The following ATP8B3 variants were observed in gnomAD, a reference collection of about 807,000 sequenced individuals.
ATP8B3 encodes phospholipid-transporting ATPase IK.
In ATP8B3, 141 loss-of-function variants were observed where a neutral mutation model predicts 140.9. That is an observed-to-expected ratio of 1.00 (90% CI 0.87 to 1.15). The LOEUF is 1.15. ATP8B3 is among the 50% of genes most tolerant of loss of function. The pLI, the probability that ATP8B3 is intolerant of heterozygous loss-of-function variation, is 0.00. For missense variants in ATP8B3, 1,874 were observed against 1,740.6 expected (o/e 1.08, Z -1.36); for synonymous variants, 765 against 714.6 (o/e 1.07, Z -1.13).
rs1162180618 is a variant in ATP8B3, at chr19:1,789,608, C to A, written c.2598G>T (p.Leu866=). 20 of 1,592,588 alleles carry A rather than the reference C, an allele frequency of 1.3e-5. No individual in the cohort carries two copies. Among genetic ancestry groups the A allele is most frequent in the Non-Finnish European group, 1.7e-5 (20 of 1,173,882 alleles). Residue 866 remains leucine, a synonymous_variant, in exon 23 of 29, where the codon CTG becomes CTT. Coordinates refer to ENST00000310127, the MANE Select transcript of ATP8B3 (RefSeq NM_138813.4). ...GCCCGAACCTCCGGCACAGCAGGGACAGGCGCCTGGCGTAGAGGAAATCCC... is the reference window on the plus strand; with the variant it reads ...GCCCGAACCTCCGGCACAGCAGGGAAAGGCGCCTGGCGTAGAGGAAATCCC... ...SRRDFLYARR[L]SLLCRRFGLP...
chr19:1,804,981 A>G (rs1304980908), intron 10 of ATP8B3, among the ~76,000 whole-genome samples: 3 of 152,164 alleles, frequency 2.0e-5, no homozygotes, highest in Non-Finnish European at 4.4e-5. Flanking sequence ...GTAGCACTTT[A>G]TTTTTGGTTT....
intron 10 of ATP8B3, among the ~76,000 whole-genome samples, chr19:1,802,961 A>G (rs931205837): frequency 1.3e-5 from 2 of 152,160 alleles, no homozygotes; most frequent in African/African-American, 4.8e-5. Flanking sequence ...TTATCTGTGC[A>G]AAGCTATTGT....
chr19:1,786,879 G>T (rs1411682879), intron 25 of ATP8B3, among the ~76,000 whole-genome samples: 1 of 152,192 alleles, frequency 6.6e-6, no homozygotes, highest in Non-Finnish European at 1.5e-5. Flanking sequence ...ACAGGGTGGG[G>T]GCTCCCACAC....
At chr19:1,810,204 G>A (rs2145211918) in intron 3 of ATP8B3, among the ~76,000 whole-genome samples, 2 of 152,344 alleles carry the variant, frequency 1.3e-5, no homozygotes, top group African/African-American at 4.8e-5. Flanking sequence ...AGAATCCTAG[G>A]CAAGGCCTGA....
intron 2 of ATP8B3, 126 bp downstream of exon 2, chr19:1,811,363 C>A (rs1373468919): frequency 1.5e-6 from 2 of 1,374,794 alleles, no homozygotes; most frequent in Non-Finnish European, 1.9e-6. Flanking sequence ...GTTTGGCCCC[C>A]TATGAGGATG....
rs752267517 is a variant in ATP8B3 at position 1,785,272 on chromosome 19, G to A, written c.3419C>T (p.Thr1140Ile). 3 of 1,606,206 alleles carry A rather than the reference G, an allele frequency of 1.9e-6. No individual in the cohort carries two copies. Among genetic ancestry groups the A allele is most frequent in the Non-Finnish European group, 8.5e-7 (1 of 1,176,412 alleles). ...MEVILIIKYWTALCVATILLS... is the reference protein window; with the variant it reads ...MEVILIIKYWIALCVATILLS... ...GAGGATGGTCGCCACGCACAGGGCG[G>A]TCCAGTACTTGATGATAAGAATGAC... is the stretch of plus-strand genomic sequence containing the variant. Residue 1140 changes from threonine (T) to isoleucine (I), a missense_variant, in exon 27 of 29, where the codon ACC becomes ATC. Physicochemically the swap from Thr to Ile is moderately conservative, Grantham distance 89 (BLOSUM62 -1). This residue lies in a region of ATP8B3 where 840 missense variants were observed against 760.9 expected (regional missense o/e 1.10). Transcript: ENST00000310127.
Position 1,791,865 on chromosome 19 carries a change from G to A in ATP8B3, c.2191-4C>T. 6.2e-7 allele frequency: 1 copy of A among 1,610,072 alleles called. No homozygotes were observed. On this transcript the variant is annotated splice_polypyrimidine_tract_variant and splice_region_variant and intron_variant, in intron 19 of 28. Transcript: ENST00000310127. ...CGATGGCTGTGGCTCCCAGCAGCTG[G>A]TGGGGGAGGAGGGCAGGGCGGGGAA... is the stretch of plus-strand genomic sequence containing the variant.
Position 1,782,841 on chromosome 19 carries a change from C to T in ATP8B3, c.*187G>A. On this transcript the variant is annotated 3_prime_UTR_variant, in exon 29 of 29. Transcript: ENST00000310127. The stretch of plus-strand genomic sequence containing the variant: ...CTTGGCAATTGCTCTTGGAAAGACT[C>T]AGATAGCCTGTTGCTGCTGGTGAGC... The T allele has an allele frequency of 1.4e-6, 1 of 736,386 alleles. No individual in the cohort carries two copies. Among genetic ancestry groups the T allele is most frequent in the Non-Finnish European group, 2.2e-6 (1 of 461,126 alleles). 45.6% of individuals were successfully genotyped at this position (736,386 alleles called of 1,614,324 possible). A position where few individuals can be genotyped will look rare whatever the true frequency, so the allele number is the denominator to read the frequency against.
intron 2 of ATP8B3, among the ~76,000 whole-genome samples, chr19:1,810,947 CG>C (rs2069171830): frequency 6.6e-6 from 1 of 152,170 alleles, no homozygotes; most frequent in South Asian, 2.1e-4. Context: ...CCACCCTGGT[CG>C]CCTCCCGCCA....
Position 1,784,843 on chromosome 19 carries a change from T to G in ATP8B3, c.3636A>C (p.Pro1212=). 1 of 1,609,198 alleles carries G rather than the reference T, an allele frequency of 6.2e-7. No individual in the cohort carries two copies. Among genetic ancestry groups the G allele is most frequent in the Non-Finnish European group, 8.5e-7 (1 of 1,177,862 alleles). ...CCTTGGCACGTAGCTCCTTGAGGGC[T>G]GGGAAGATGACTCGGAGGGCCAGGA... ...FPVLALRVIF[P]ALKELRAKEE... The change falls in exon 28 of 29, where the codon CCA becomes CCC. Residue 1212 remains proline (P), a synonymous_variant. Transcript: ENST00000310127.
At chr19:1,796,044 TG>T (rs754931736) in intron 17 of ATP8B3, 32 bp downstream of exon 17, 19 of 1,611,712 alleles carry the variant, frequency 1.2e-5, no homozygotes, top group Middle Eastern at 1.7e-4. Context: ...CGCCCCACCT[TG>T]GGGGGCCCAG....
At position 1,796,746 on chromosome 19, in the gene ATP8B3, G is replaced by A. The variant is rs541191907; in HGVS notation, c.1718C>T (p.Thr573Met). ...ACGGGGGCTCTCCCGCACCATCACCGTGTGGCAGATGGCCAGCAGGCGCCA... is the reference window on the plus strand; with the variant it reads ...ACGGGGGCTCTCCCGCACCATCACCATGTGGCAGATGGCCAGCAGGCGCCA... The part of the protein sequence containing the change: ...EFWRLLAICH[T>M]VMVRESPRER... The change falls in exon 16 of 29, where the codon ACG (threonine) becomes ATG (methionine). Residue 573 changes from threonine (T) to methionine (M), a missense_variant. Physicochemically the swap from Thr to Met is moderately conservative, Grantham distance 81. Around this residue, in one of 3 missense-constraint regions of ATP8B3, gnomAD observed 1,032 missense variants for 963.6 expected, o/e 1.07. Transcript: ENST00000310127. 25 of 1,612,002 alleles carry A rather than the reference G, an allele frequency of 1.6e-5. No individual in the cohort carries two copies. Among genetic ancestry groups the A allele is most frequent in the Middle Eastern group, 1.7e-4 (1 of 6,048 alleles).
In ATP8B3 at chr19:1,800,817, C is replaced by G. The variant is rs1388632325; in HGVS notation, c.1153-368G>C. On this transcript the variant is annotated intron_variant, in intron 12 of 28. Transcript: ENST00000310127. The surrounding 1 kb of genome is among the most constrained non-coding windows in gnomAD (Gnocchi z 4.4). ...TGGGCAATAGAGTGAGATAGAAAAACTTTTTTTTTTTTAATTTTTTTTTTT... is the reference window on the plus strand; with the variant it reads ...TGGGCAATAGAGTGAGATAGAAAAAGTTTTTTTTTTTTAATTTTTTTTTTT... 6.9e-6 allele frequency among the ~76,000 whole-genome samples: 1 copy of G among 144,550 alleles called. No homozygotes were observed. Among genetic ancestry groups the G allele is most frequent in the African/African-American group, 2.6e-5 (1 of 39,054 alleles). The allele number at this position is 144,550 out of a possible 152,430, so 94.8% of individuals were successfully genotyped here.
intron 18 of ATP8B3, among the ~76,000 whole-genome samples, chr19:1,793,581 G>A (rs1202611046): frequency 6.6e-6 from 1 of 152,192 alleles, no homozygotes; most frequent in Non-Finnish European, 1.5e-5. Flanking sequence ...GGGGCCTCTA[G>A]GGGCTGGGAG....
chr19:1,802,489 G>C lies in ATP8B3; in HGVS notation c.1061C>G (p.Ala354Gly), dbSNP rs968130067. The change falls in exon 11 of 29, where the codon GCT becomes GGT. Residue 354 changes from alanine (A) to glycine (G), a missense_variant and splice_region_variant. Ala to Gly is a moderately conservative substitution (Grantham distance 60). This residue lies in a region of ATP8B3 where 1,032 missense variants were observed against 963.6 expected (regional missense o/e 1.07). Coordinates refer to ENST00000310127, the MANE Select transcript of ATP8B3 (RefSeq NM_138813.4). ...TDTCYGLVIY[A>G]GFDTKIMKNC... ...CCAGGACCCTGGAGCAGCCGTACCAGCATAAATGACCAGTCCATAGCAGGT... is the reference window on the plus strand; with the variant it reads ...CCAGGACCCTGGAGCAGCCGTACCACCATAAATGACCAGTCCATAGCAGGT... 1 of 1,355,426 alleles carries C rather than the reference G, an allele frequency of 7.4e-7. No homozygotes were observed. The highest frequency in any genetic ancestry group is 9.7e-7 in the Non-Finnish European group (1 of 1,033,146). The allele number at this position is 1,355,426 out of a possible 1,614,324, so 84.0% of individuals were successfully genotyped here. A position where few individuals can be genotyped will look rare whatever the true frequency, so the allele number is the denominator to read the frequency against.
At position 1,794,258 on chromosome 19, in the gene ATP8B3, G is replaced by A. The variant is rs8106290; in HGVS notation, c.2055+1617C>T. Among the ~76,000 whole-genome samples, 15,261 of 152,184 alleles carry A rather than the reference G, an allele frequency of 0.1. 863 individuals carry two copies. Among genetic ancestry groups the A allele is most frequent in the African/African-American group, 0.13 (5,322 of 41,524 alleles). ...GCTTGACACAGCAGAGGAGCTTCAC[G>A]GACATTGGCAGCCTCCGACAGGCCT... is the stretch of plus-strand genomic sequence containing the variant. On this transcript the variant is annotated intron_variant, in intron 18 of 28. Coordinates refer to ENST00000310127, the MANE Select transcript of ATP8B3 (RefSeq NM_138813.4). The surrounding 1 kb of genome is among the most constrained non-coding windows in gnomAD (Gnocchi z 4.8).
At position 1,807,416 on chromosome 19, in the gene ATP8B3, G is replaced by A. The variant is rs1203383350; in HGVS notation, c.517-150C>T. 1 of 630,250 alleles carries A rather than the reference G, an allele frequency of 1.6e-6. No homozygotes were observed. The highest frequency in any genetic ancestry group is 2.8e-6 in the Non-Finnish European group (1 of 357,328). The allele number at this position is 630,250 out of a possible 1,614,324, so 39.0% of individuals were successfully genotyped here. A position where few individuals can be genotyped will look rare whatever the true frequency, so the allele number is the denominator to read the frequency against. ...GTCCAGCCATCTCCTGCAACCCCCA[G>A]CCCTCGGGACAAACGCCCCGGCATC... On this transcript the variant is annotated intron_variant, in intron 5 of 28. Transcript: ENST00000310127. This position sits in a 1 kb window ranked among gnomAD's most constrained non-coding sequence, Gnocchi z 5.9.
chr19:1,805,967 G>T lies in ATP8B3; in HGVS notation c.751-9C>A, dbSNP rs2069000670. ...AGCAAGAGCATGTCGGCCTGGTGTGGAGTGGGGGGCAGCGTTGCAAGAGGG... is the reference window on the plus strand; with the variant it reads ...AGCAAGAGCATGTCGGCCTGGTGTGTAGTGGGGGGCAGCGTTGCAAGAGGG... On this transcript the variant is annotated splice_polypyrimidine_tract_variant and intron_variant, in intron 8 of 28. Coordinates refer to ENST00000310127, the MANE Select transcript of ATP8B3 (RefSeq NM_138813.4). This position sits in a 1 kb window ranked among gnomAD's most constrained non-coding sequence, Gnocchi z 5.2. 3 of 1,611,628 alleles carry T rather than the reference G, an allele frequency of 1.9e-6. No homozygotes were observed. Among genetic ancestry groups the T allele is most frequent in the South Asian group, 2.2e-5 (2 of 91,072 alleles).
In ATP8B3 at chr19:1,791,752, T is replaced by C; in HGVS notation, c.2300A>G (p.Gln767Arg). The stretch of plus-strand genomic sequence containing the variant: ...ACCCGGAGCTGCCCGGGACTCACCC[T>C]GCTTGTCCCCGGTGAGCACCCATAT... ...IKIWVLTGDK[Q>R]ETAVNIGFAC... The change falls in exon 20 of 29, where the codon CAG (glutamine) becomes CGG (arginine). Residue 767 changes from glutamine (Q) to arginine (R), a missense_variant and splice_region_variant. By Grantham distance (43) the Gln-to-Arg change is conservative. This residue lies in a region of ATP8B3 where 840 missense variants were observed against 760.9 expected (regional missense o/e 1.10). Transcript: ENST00000310127. 1 of 1,610,108 alleles carries C rather than the reference T, an allele frequency of 6.2e-7. No homozygotes were observed. Among genetic ancestry groups the C allele is most frequent in the Non-Finnish European group, 8.5e-7 (1 of 1,178,800 alleles).
Sources: allele counts gnomAD v4.1 joint callset (sites outside exome capture counted in the v4.1 genomes callset), GRCh38; gene constraint gnomAD v4.1.1; regional missense constraint gnomAD v4.1.1; non-coding constraint Gnocchi (gnomAD v3.1); transcripts MANE v1.5; gene names NCBI Gene and HGNC (gene_info 2026-07-23, HGNC 2026-07-21).